The following CDH23 variants were observed in gnomAD, a reference collection of about 807,000 sequenced individuals.
The protein encoded by CDH23 is cadherin-23.
Under a neutral mutation model 317.1 loss-of-function variants are expected in CDH23, and 189 were observed. That is an observed-to-expected ratio of 0.60 (90% CI 0.53 to 0.67). The LOEUF is 0.67. Among genes scored for constraint, CDH23 ranks in the 30% least tolerant of loss-of-function variants. The pLI, the probability that CDH23 is intolerant of heterozygous loss-of-function variation, is 0.00. For synonymous variants in CDH23, 1,839 were observed against 1,876.8 expected (o/e 0.98, Z 0.52); for missense variants, 4,401 against 4,592.4 (o/e 0.96, Z 1.20).
rs886047143 is a variant in CDH23 at position 71,815,361 on chromosome 10, G to A, written c.*83G>A. On this transcript the variant is annotated 3_prime_UTR_variant, in exon 70 of 70. Transcript: ENST00000224721. Reference sequence around the variant, plus strand: ...AGCAAGGGCAGGGACAGGGCCGGTCGGGGGGGACCCTCCAAGGCCAGGCCT... The same window carrying A: ...AGCAAGGGCAGGGACAGGGCCGGTCAGGGGGGACCCTCCAAGGCCAGGCCT... The A allele has an allele frequency of 7.9e-5, 102 of 1,298,558 alleles. No homozygotes were observed. Among genetic ancestry groups the A allele is most frequent in the East Asian group, 2.6e-4 (10 of 38,942 alleles). 80.4% of individuals were successfully genotyped at this position (1,298,558 alleles called of 1,614,324 possible).
chr10:71,636,923 G>A (rs537479217), intron 11 of CDH23, among the ~76,000 whole-genome samples: 1 of 152,170 alleles, frequency 6.6e-6, no homozygotes, highest in Non-Finnish European at 1.5e-5. Context: ...AGGGGTTGAG[G>A]TGGAGTCAGA....
chr10:71,771,779 C>T (rs1247684564), intron 38 of CDH23, among the ~76,000 whole-genome samples: 3 of 152,186 alleles, frequency 2.0e-5, no homozygotes, highest in South Asian at 2.1e-4. Flanking sequence ...TAGGGGAAGG[C>T]GTCCTGAGCT....
intron 11 of CDH23, among the ~76,000 whole-genome samples, chr10:71,621,544 G>A (rs1360870157): frequency 2.6e-5 from 4 of 152,222 alleles, no homozygotes; most frequent in Non-Finnish European, 5.9e-5. Flanking sequence ...AAATGCCCAA[G>A]TATCAGCGAG....
intron 3 of CDH23, among the ~76,000 whole-genome samples, chr10:71,496,091 G>T (rs1852948640): frequency 6.6e-6 from 1 of 152,164 alleles, no homozygotes; most frequent in African/African-American, 2.4e-5. Flanking sequence ...TCTTAACTTG[G>T]CTGTACGTGG....
chr10:71,764,872 G>C (rs547293432), intron 38 of CDH23, among the ~76,000 whole-genome samples: 24 of 152,322 alleles, frequency 1.6e-4, no homozygotes, highest in Non-Finnish European at 3.5e-4. Context: ...GGGAAAGCCT[G>C]GCAGTGCAGG....
rs1564779152 is a variant in CDH23 at position 71,759,852 on chromosome 10, C to CACACACACACACACATATATAT, written c.4846-17815_4846-17814insCATATATATACACACACACACA. 1.0e-4 allele frequency among the ~76,000 whole-genome samples: 8 copies of CACACACACACACACATATATAT among 76,980 alleles called. No individual in the cohort carries two copies. The East Asian group carries it at 3.5e-3, about 33-fold the overall frequency. The allele number at this position is 76,980 out of a possible 152,430, so 50.5% of individuals were successfully genotyped here. ...ACACACACACACACACACACATATA[C>CACACACACACACACATATATAT]ACACACACACACATATATATACACA... On this transcript the variant is annotated intron_variant, in intron 38 of 69. Coordinates refer to ENST00000224721, the MANE Select transcript of CDH23 (RefSeq NM_022124.6).
At chr10:71,797,338 G>A in intron 49 of CDH23, 118 bp downstream of exon 49, 1 of 690,152 alleles carries the variant, frequency 1.4e-6, no homozygotes, top group Non-Finnish European at 2.5e-6. Flanking sequence ...CAGTTGCTCT[G>A]GGGGCCAGGA....
rs941927925 is a variant in CDH23 at position 71,511,016 on chromosome 10, G to A, written c.336+15G>A. On this transcript the variant is annotated intron_variant, in intron 5 of 69. Transcript: ENST00000224721. ...ACCACCAGGGGGTGAGTGTTCCCTGGGGCCCTGGAGGCATGTTCCTGGGGT... is the reference window on the plus strand; with the variant it reads ...ACCACCAGGGGGTGAGTGTTCCCTGAGGCCCTGGAGGCATGTTCCTGGGGT... The A allele has an allele frequency of 2.5e-6, 4 of 1,613,654 alleles. No individual in the cohort carries two copies. The highest frequency in any genetic ancestry group is 3.4e-6 in the Non-Finnish European group (4 of 1,179,722).
chr10:71,755,022 C>T (rs1215045683), intron 38 of CDH23: 1 of 494,660 alleles, frequency 2.0e-6, no homozygotes, highest in Non-Finnish European at 4.0e-6. Flanking sequence ...ATACCTTAAA[C>T]AGGTCCCCCA....
At chr10:71,787,120 G>A (rs1202278922) in intron 44 of CDH23, among the ~76,000 whole-genome samples, 1 of 152,094 alleles carries the variant, frequency 6.6e-6, no homozygotes, top group Non-Finnish European at 1.5e-5. Flanking sequence ...CTTGAAGGTC[G>A]AGAAACAGGA....
In CDH23 at chr10:71,793,486, G is replaced by A. The variant is rs561954391; in HGVS notation, c.6558G>A (p.Ser2186=). The A allele has an allele frequency of 2.6e-5, 42 of 1,613,974 alleles. No homozygotes were observed. The highest frequency in any genetic ancestry group is 3.3e-4 in the Middle Eastern group (2 of 6,062). The change falls in exon 48 of 70, where the codon TCG becomes TCA. Residue 2186 remains serine, a synonymous_variant. Transcript: ENST00000224721. ...NPIQTVSVLE[S]AEPGTVIANI... ...TCCAGACAGTGAGCGTGCTGGAGTC[G>A]GCTGAGCCAGGCACTGTCATTGCCA...
intron 3 of CDH23, among the ~76,000 whole-genome samples, chr10:71,470,001 A>T (rs909668619): frequency 2.0e-5 from 3 of 151,000 alleles, no homozygotes; most frequent in South Asian, 4.2e-4. Context: ...TAATGTTTTC[A>T]TTTCCTTTTT....
At chr10:71,758,185 C>G (rs1264990688) in intron 38 of CDH23, among the ~76,000 whole-genome samples, 1 of 152,122 alleles carries the variant, frequency 6.6e-6, no homozygotes, top group African/African-American at 2.4e-5. Flanking sequence ...TAATTTTGCT[C>G]TTGGCCTGTT....
At chr10:71,579,195 T>C (rs986076266) in intron 9 of CDH23, among the ~76,000 whole-genome samples, 1 of 147,530 alleles carries the variant, frequency 6.8e-6, no homozygotes, top group Admixed American at 6.9e-5. Flanking sequence ...GGTTAGCTAG[T>C]AGGAGGGAGA....
chr10:71,575,309 C>A (rs1858111687), intron 8 of CDH23, among the ~76,000 whole-genome samples: 1 of 152,158 alleles, frequency 6.6e-6, no homozygotes, highest in South Asian at 2.1e-4. Flanking sequence ...AATAAAGTAA[C>A]AATCACGTTT....
At chr10:71,463,919 A>C (rs1057399723) in intron 3 of CDH23, among the ~76,000 whole-genome samples, 7 of 152,212 alleles carry the variant, frequency 4.6e-5, no homozygotes, top group Non-Finnish European at 1.0e-4. Context: ...CAATCCCTGG[A>C]GTCCCCATTA....
intron 1 of CDH23, among the ~76,000 whole-genome samples, chr10:71,429,645 G>A (rs751617012): frequency 1.1e-4 from 17 of 152,204 alleles, no homozygotes; most frequent in Admixed American, 2.0e-4. Flanking sequence ...TAGCGGGTGC[G>A]TGGAAGATGT....
intron 3 of CDH23, among the ~76,000 whole-genome samples, chr10:71,459,525 T>C (rs1022992145): frequency 6.6e-6 from 1 of 152,216 alleles, no homozygotes; most frequent in Non-Finnish European, 1.5e-5. Flanking sequence ...TGATATTCTA[T>C]GTGGCCAAAG....
intron 25 of CDH23, among the ~76,000 whole-genome samples, chr10:71,706,004 G>A (rs1242639753): frequency 6.6e-6 from 1 of 152,164 alleles, no homozygotes. Context: ...TTGCCTGTGG[G>A]TTTCTGTTGC....
Sources: gnomAD v4.1 joint callset for allele counts (sites outside exome capture counted in the v4.1 genomes callset) on GRCh38, gnomAD v4.1.1 for gene constraint, MANE v1.5 for transcripts, NCBI Gene and HGNC (gene_info 2026-07-23, HGNC 2026-07-21) for gene names.